ANKS1B: variants seen among roughly 807,000 people sequenced by gnomAD.
The protein encoded by ANKS1B is ankyrin repeat and sterile alpha motif domain containing 1B.
In ANKS1B, 36 loss-of-function variants were observed where a neutral mutation model predicts 148.3. That is an observed-to-expected ratio of 0.24 (90% CI 0.19 to 0.32). The LOEUF is 0.32. Among genes scored for constraint, ANKS1B ranks in the 10% least tolerant of loss-of-function variants. The pLI is 1.00. For synonymous variants in ANKS1B, 542 were observed against 560.8 expected (o/e 0.97, Z 0.47); for missense variants, 1,157 against 1,542.6 (o/e 0.75, Z 4.19).
chr12:99,841,228 A>G (rs1216378058), intron 1 of ANKS1B, among the ~76,000 whole-genome samples: 1 of 152,082 alleles, frequency 6.6e-6, no homozygotes, highest in Non-Finnish European at 1.5e-5. Context: ...TTTCTGTAGG[A>G]AAAGTTTTTA....
chr12:99,331,363 C>T (rs899194220), intron 12 of ANKS1B, among the ~76,000 whole-genome samples: 3 of 151,992 alleles, frequency 2.0e-5, no homozygotes, highest in African/African-American at 4.8e-5. Flanking sequence ...AATTATAAGT[C>T]GACAGTAGCA....
At chr12:99,314,763 TAACTC>T (rs1214732169) in intron 12 of ANKS1B, among the ~76,000 whole-genome samples, 1 of 152,094 alleles carries the variant, frequency 6.6e-6, no homozygotes, top group Non-Finnish European at 1.5e-5. Flanking sequence ...TTATAAAAAT[TAACTC>T]AAGATGGATT....
At chr12:99,983,483 A>G (rs570326078) in intron 1 of ANKS1B, among the ~76,000 whole-genome samples, 5 of 152,282 alleles carry the variant, frequency 3.3e-5, no homozygotes, top group South Asian at 2.1e-4. Context: ...ATCCTGAGCT[A>G]TAACAACCAA....
chr12:99,889,618 T>C (rs1228041996), intron 1 of ANKS1B, among the ~76,000 whole-genome samples: 1 of 152,188 alleles, frequency 6.6e-6, no homozygotes, highest in Non-Finnish European at 1.5e-5. Context: ...GTCTGAATGC[T>C]GAGAAATTCC....
chr12:98,757,609 G>T (rs2098281613), intron 25 of ANKS1B, among the ~76,000 whole-genome samples: 1 of 152,144 alleles, frequency 6.6e-6, no homozygotes, highest in Admixed American at 6.5e-5. Flanking sequence ...GAGCACTAAG[G>T]TGTCCCATCC....
chr12:99,360,292 T>C (rs2092365467), intron 12 of ANKS1B, among the ~76,000 whole-genome samples: 1 of 152,146 alleles, frequency 6.6e-6, no homozygotes, highest in Admixed American at 6.6e-5. Flanking sequence ...ATTAATAGGA[T>C]TACAGACTCT....
intron 9 of ANKS1B, among the ~76,000 whole-genome samples, chr12:99,602,946 T>C (rs1408122151): frequency 1.3e-5 from 2 of 152,098 alleles, no homozygotes; most frequent in Non-Finnish European, 2.9e-5. Context: ...GCACTTTCAT[T>C]TCTAGTAAAG....
chr12:99,053,820 C>T (rs115403551), intron 16 of ANKS1B, among the ~76,000 whole-genome samples: 13 of 152,304 alleles, frequency 8.5e-5, no homozygotes, highest in South Asian at 4.1e-4. Flanking sequence ...CATACTGCTG[C>T]GGTGAACCAG....
chr12:99,366,546 G>T (rs529400496), intron 12 of ANKS1B, among the ~76,000 whole-genome samples: 1 of 152,162 alleles, frequency 6.6e-6, no homozygotes, highest in South Asian at 2.1e-4. Context: ...ATAGACCCAG[G>T]TATATATAGA....
At chr12:99,882,795 A>G (rs2092604223) in intron 1 of ANKS1B, among the ~76,000 whole-genome samples, 1 of 152,192 alleles carries the variant, frequency 6.6e-6, no homozygotes, top group Admixed American at 6.5e-5. Flanking sequence ...AACTACTGAA[A>G]TCATAAGAAG....
At chr12:99,203,747 G>A (rs1235262808) in intron 14 of ANKS1B, among the ~76,000 whole-genome samples, 5 of 152,064 alleles carry the variant, frequency 3.3e-5, no homozygotes, top group East Asian at 1.9e-4. Flanking sequence ...CACTGCACCC[G>A]GCCAAGACCT....
At chr12:99,300,136 C>T (rs558500042) in intron 12 of ANKS1B, among the ~76,000 whole-genome samples, 23 of 152,042 alleles carry the variant, frequency 1.5e-4, no homozygotes, top group Middle Eastern at 3.4e-3. Flanking sequence ...TAATTAATTA[C>T]GGGGATGACA....
chr12:99,483,350 C>G (rs1373433268), intron 10 of ANKS1B, among the ~76,000 whole-genome samples: 1 of 151,790 alleles, frequency 6.6e-6, no homozygotes, highest in African/African-American at 2.4e-5. Context: ...GGGAGGAAAC[C>G]CACTTGATCA....
chr12:99,576,712 A>G lies in ANKS1B; in HGVS notation c.1273-72071T>C, dbSNP rs145131822. Among the ~76,000 whole-genome samples the G allele has an allele frequency of 3.7e-3, 557 of 152,262 alleles. 1 individual carries two copies. Among genetic ancestry groups the G allele is most frequent in the African/African-American group, 0.012 (515 of 41,568 alleles). ...GAAAACAAAGATACAGCATGCCAGA[A>G]TCTCTGAGACACAGCTAAAGTAGTT... On this transcript the variant is annotated intron_variant, in intron 9 of 26. Transcript: ENST00000683438.
intron 19 of ANKS1B, among the ~76,000 whole-genome samples, chr12:98,818,956 G>A (rs779438347): frequency 2.6e-5 from 4 of 152,062 alleles, no homozygotes; most frequent in Non-Finnish European, 5.9e-5. Context: ...CCTCTTGAAC[G>A]ATGCCAAGCT....
intron 12 of ANKS1B, among the ~76,000 whole-genome samples, chr12:99,316,404 C>A (rs994259959): frequency 6.6e-6 from 1 of 152,142 alleles, no homozygotes; most frequent in Non-Finnish European, 1.5e-5. Flanking sequence ...TTTTGATTTG[C>A]ATTTCTCTGA....
intron 12 of ANKS1B, among the ~76,000 whole-genome samples, chr12:99,361,139 C>T (rs1179111841): frequency 6.6e-6 from 1 of 152,006 alleles, no homozygotes; most frequent in Non-Finnish European, 1.5e-5. Context: ...ATTGTTTGTA[C>T]ACAAAGAATA....
At chr12:98,782,042 A>G in intron 23 of ANKS1B, 84 bp downstream of exon 23, 2 of 1,174,296 alleles carry the variant, frequency 1.7e-6, no homozygotes, top group Non-Finnish European at 2.5e-6. Flanking sequence ...TTTATCATTC[A>G]TCACCAGTCA....
chr12:99,727,011 T>A (rs1042557959), intron 8 of ANKS1B, among the ~76,000 whole-genome samples: 2 of 152,170 alleles, frequency 1.3e-5, no homozygotes, highest in African/African-American at 2.4e-5. Flanking sequence ...GAGCTATTTA[T>A]GACAAACCCA....
Sources: allele counts gnomAD v4.1 joint callset (sites outside exome capture counted in the v4.1 genomes callset), GRCh38; gene constraint gnomAD v4.1.1; transcripts MANE v1.5; gene names NCBI Gene and HGNC (gene_info 2026-07-23, HGNC 2026-07-21).